The following LOC400499 variants were observed in gnomAD, a reference collection of about 807,000 sequenced individuals.
chr16:11,411,596 G>A, the LOC400499 span, among the ~76,000 whole-genome samples: 1 of 152,182 alleles, frequency 6.6e-6, no homozygotes, highest in Non-Finnish European at 1.5e-5. Context: ...AAGCTTCTTG[G>A]TTGTCCCTCT....
the LOC400499 span, among the ~76,000 whole-genome samples, chr16:11,400,460 C>A: frequency 1.7e-5 from 1 of 58,438 alleles, no homozygotes; most frequent in Non-Finnish European, 3.1e-5. Flanking sequence ...TTTTTTTCTT[C>A]TGAGACTGTC....
chr16:11,439,768 G>A, the LOC400499 span, among the ~76,000 whole-genome samples: 4,470 of 152,058 alleles, frequency 0.029, 148 homozygotes, highest in African/African-American at 0.084. Context: ...AGGTTGCTTA[G>A]GAAGTGACAT....
chr16:11,473,414 C>G, the LOC400499 span, among the ~76,000 whole-genome samples: 1 of 151,626 alleles, frequency 6.6e-6, no homozygotes, highest in African/African-American at 2.4e-5. Flanking sequence ...TCTTTTTACC[C>G]AGTTGAGATC....
At chr16:11,375,068 G>C in the LOC400499 span, among the ~76,000 whole-genome samples, 1 of 151,898 alleles carries the variant, frequency 6.6e-6, no homozygotes, top group Non-Finnish European at 1.5e-5. Flanking sequence ...GGCTGGTCTT[G>C]AACTCCTGGC....
the LOC400499 span, among the ~76,000 whole-genome samples, chr16:11,527,151 C>T: frequency 6.6e-6 from 1 of 152,180 alleles, no homozygotes; most frequent in East Asian, 1.9e-4. Context: ...AGGACCAGAC[C>T]GAGGAGTCCC....
At chr16:11,504,438 C>T in the LOC400499 span, among the ~76,000 whole-genome samples, 1 of 151,862 alleles carries the variant, frequency 6.6e-6, no homozygotes, top group Non-Finnish European at 1.5e-5. Context: ...TGCTTGCAAT[C>T]CCAGCTATTC....
the LOC400499 span, among the ~76,000 whole-genome samples, chr16:11,525,815 AT>A: frequency 6.6e-6 from 1 of 152,184 alleles, no homozygotes; most frequent in Non-Finnish European, 1.5e-5. Flanking sequence ...CATTTAAAAT[AT>A]TTTTTAAATT....
the LOC400499 span, chr16:11,462,374 G>C: frequency 7.1e-7 from 1 of 1,399,120 alleles, no homozygotes; most frequent in Non-Finnish European, 9.3e-7. Flanking sequence ...ACACGAACTG[G>C]GACCAGACAG....
At chr16:11,392,336 C>A in the LOC400499 span, 7 of 398,910 alleles carry the variant, frequency 1.8e-5, no homozygotes, top group Admixed American at 1.3e-4. Context: ...GCCCAGCAGG[C>A]CCCCCTGGCA....
the LOC400499 span, among the ~76,000 whole-genome samples, chr16:11,430,292 C>T: frequency 2.0e-5 from 3 of 152,048 alleles, no homozygotes; most frequent in Admixed American, 2.0e-4. Context: ...TCGAGACCAG[C>T]CTGGTCAACC....
the LOC400499 span, chr16:11,516,210 C>T: frequency 3.0e-5 from 12 of 399,460 alleles, no homozygotes; most frequent in East Asian, 3.6e-4. Context: ...GCACGCTTCA[C>T]GTTCAGCACC....
chr16:11,517,972 C>A, the LOC400499 span, among the ~76,000 whole-genome samples: 3 of 152,326 alleles, frequency 2.0e-5, no homozygotes, highest in East Asian at 5.8e-4. Flanking sequence ...CACTCTCCAG[C>A]TCCAACTGAA....
chr16:11,481,636 T>A, the LOC400499 span, among the ~76,000 whole-genome samples: 24 of 151,476 alleles, frequency 1.6e-4, no homozygotes, highest in Non-Finnish European at 2.8e-4. Context: ...TTTTATTTTT[T>A]ATTTTTATTT....
At chr16:11,447,940 A>C in the LOC400499 span, 1 of 1,535,508 alleles carries the variant, frequency 6.5e-7, no homozygotes, top group South Asian at 1.2e-5. Context: ...ATACCTAAGG[A>C]GCAAGGCCCC....
the LOC400499 span, among the ~76,000 whole-genome samples, chr16:11,418,053 C>T: frequency 3.3e-5 from 5 of 152,124 alleles, no homozygotes; most frequent in East Asian, 9.6e-4. Flanking sequence ...AGAGAAAACG[C>T]GGAGAAACCA....
chr16:11,459,327 G>A, the LOC400499 span, among the ~76,000 whole-genome samples: 1 of 150,968 alleles, frequency 6.6e-6, no homozygotes, highest in Non-Finnish European at 1.5e-5. Context: ...CTCCCGAGTA[G>A]CTGGGGCTAC....
the LOC400499 span, among the ~76,000 whole-genome samples, chr16:11,390,692 T>C: frequency 0.039 from 5,952 of 152,296 alleles, 179 homozygotes; most frequent in Non-Finnish European, 0.061. Flanking sequence ...GGAACTTGGA[T>C]TGGGGGAGGG....
At chr16:11,475,684 C>T in the LOC400499 span, 8 of 398,922 alleles carry the variant, frequency 2.0e-5, no homozygotes, top group African/African-American at 6.2e-5. Flanking sequence ...AGGCTCCTCA[C>T]GCCATCCCTG....
the LOC400499 span, among the ~76,000 whole-genome samples, chr16:11,422,629 G>C: frequency 6.6e-6 from 1 of 152,182 alleles, no homozygotes; most frequent in Non-Finnish European, 1.5e-5. Flanking sequence ...TGTTGACTGA[G>C]CACCTACTAC....
Sources: allele counts gnomAD v4.1 joint callset (sites outside exome capture counted in the v4.1 genomes callset), GRCh38; gene constraint gnomAD v4.1.1; transcripts MANE v1.5.